The following MBTD1 variants were observed in gnomAD, a reference collection of about 807,000 sequenced individuals.
MBTD1 encodes MBT domain-containing protein 1.
Under a neutral mutation model 87.8 loss-of-function variants are expected in MBTD1, and 24 were observed. The observed-to-expected ratio is 0.27, with a 90% CI of 0.20 to 0.38. The LOEUF (loss-of-function observed/expected upper bound fraction) is 0.38, where lower values mean the gene tolerates loss of function less well. MBTD1 is among the 10% of genes least tolerant of loss of function. MBTD1 has a pLI of 1.00. For synonymous variants in MBTD1, 237 were observed against 248.6 expected, an observed-to-expected ratio of 0.95 and a Z score of 0.44; for missense variants, 436 against 760.2, an observed-to-expected ratio of 0.57 and a Z score of 5.02.
intron 12 of MBTD1, among the ~76,000 whole-genome samples, chr17:51,200,821 G>A (rs1481273648): frequency 6.6e-6 from 1 of 151,346 alleles, no homozygotes; most frequent in Non-Finnish European, 1.5e-5. Flanking sequence ...CTGAGATCAT[G>A]CCACTGCACT....
rs540392214 is a variant in MBTD1, at chr17:51,199,246, G to A, written c.1224+2346C>T. ...CCAAGAACTGGGATTACAGGTGCCT[G>A]GCCCCAGGCCCAGCTAATTTTTTTG... On this transcript the variant is annotated intron_variant, in intron 12 of 16. Transcript: ENST00000586178. Among the ~76,000 whole-genome samples, 5 of 151,006 alleles carry A rather than the reference G, an allele frequency of 3.3e-5. No homozygotes were observed. In the South Asian group the frequency reaches 1.0e-3, roughly 32 times the overall value.
intron 6 of MBTD1, among the ~76,000 whole-genome samples, chr17:51,214,041 GTGTGTGTA>G (rs1416264220): frequency 6.6e-6 from 1 of 151,992 alleles, no homozygotes; most frequent in African/African-American, 2.4e-5. Flanking sequence ...GTATATATGT[GTGTGTGTA>G]TGTGTGTATA....
intron 12 of MBTD1, among the ~76,000 whole-genome samples, chr17:51,196,146 A>G (rs1209036303): frequency 1.3e-5 from 2 of 151,868 alleles, no homozygotes; most frequent in African/African-American, 2.4e-5. Context: ...TCCTGGGCTC[A>G]AGTGATCCTT....
At position 51,185,184 on chromosome 17, in the gene MBTD1, C is replaced by T. The variant is rs566097785; in HGVS notation, c.1769-4490G>A. ...TAACAAGTCTCATCTAGGTTTTCAA[C>T]ATACAAGACATTTTAAAGAATGCTC... On this transcript the variant is annotated intron_variant, in intron 16 of 16. Coordinates refer to ENST00000586178, the MANE Select transcript of MBTD1 (RefSeq NM_017643.3). 14 of 152,298 alleles carry T rather than the reference C, an allele frequency of 9.2e-5. No individual in the cohort carries two copies. In the South Asian group the frequency reaches 1.0e-3, roughly 11 times the overall value. The allele number at this position is 152,298 out of a possible 1,614,324, so 9.4% of individuals were successfully genotyped here.
chr17:51,201,525 C>A, intron 12 of MBTD1, 67 bp downstream of exon 12: 1 of 918,038 alleles, frequency 1.1e-6, no homozygotes, highest in Non-Finnish European at 1.7e-6. Flanking sequence ...TGCTTGGGGA[C>A]TCCTTCTATT....
At chr17:51,257,325 A>G (rs1294093731) in intron 2 of MBTD1, among the ~76,000 whole-genome samples, 1 of 152,218 alleles carries the variant, frequency 6.6e-6, no homozygotes, top group Non-Finnish European at 1.5e-5. Flanking sequence ...ACAAAGAGCA[A>G]CCCAAAGAAT....
At chr17:51,180,749 T>G in intron 16 of MBTD1, 55 bp from the exon 17 acceptor site, 2 of 890,700 alleles carry the variant, frequency 2.2e-6, no homozygotes, top group East Asian at 2.6e-5. Context: ...AGTACTCGGA[T>G]TGCCTGTGAT....
At chr17:51,183,796 C>T (rs2050420660) in intron 16 of MBTD1, 1 of 152,108 alleles carries the variant, frequency 6.6e-6, no homozygotes, top group Admixed American at 6.6e-5. Flanking sequence ...TTAACAATAC[C>T]TAGAAAATAC....
At chr17:51,232,871 C>T (rs2053619536) in intron 2 of MBTD1, among the ~76,000 whole-genome samples, 1 of 151,130 alleles carries the variant, frequency 6.6e-6, no homozygotes, top group African/African-American at 2.4e-5. Context: ...GACACTGCCT[C>T]TACAAAAAAA....
intron 6 of MBTD1, among the ~76,000 whole-genome samples, chr17:51,211,032 G>C (rs903385469): frequency 6.6e-6 from 1 of 151,154 alleles, no homozygotes; most frequent in African/African-American, 2.4e-5. Flanking sequence ...AGCTAGTCAG[G>C]AGGCTGAGAC....
At chr17:51,220,611 A>G in intron 3 of MBTD1, 148 bp from the exon 4 acceptor site, 1 of 655,272 alleles carries the variant, frequency 1.5e-6, no homozygotes, top group Non-Finnish European at 2.5e-6. Flanking sequence ...ACAAATGATA[A>G]AGAAGCCTGC....
At chr17:51,251,462 G>C (rs1420660843) in intron 2 of MBTD1, 1 of 152,156 alleles carries the variant, frequency 6.6e-6, no homozygotes, top group Non-Finnish European at 1.5e-5. Context: ...CATACATAGA[G>C]CTGTGAACTA....
intron 2 of MBTD1, among the ~76,000 whole-genome samples, chr17:51,229,821 C>T (rs1054198929): frequency 6.6e-6 from 1 of 151,904 alleles, no homozygotes; most frequent in African/African-American, 2.4e-5. Context: ...CCACCACGCC[C>T]GGCTAATTTT....
intron 12 of MBTD1, among the ~76,000 whole-genome samples, chr17:51,199,313 C>T (rs939148187): frequency 1.4e-4 from 22 of 152,000 alleles, no homozygotes; most frequent in Non-Finnish European, 2.9e-4. Context: ...GTCTTGAACT[C>T]CTGACCTCAT....
At chr17:51,208,150 C>G (rs1268895233) in intron 6 of MBTD1, among the ~76,000 whole-genome samples, 1 of 152,194 alleles carries the variant, frequency 6.6e-6, no homozygotes, top group East Asian at 1.9e-4. Context: ...AAACAACATT[C>G]AACCCCTACC....
chr17:51,260,412 G>C, upstream of MBTD1: 1 of 699,556 alleles, frequency 1.4e-6, no homozygotes, highest in Non-Finnish European at 2.3e-6. Context: ...ACGGGGCGGG[G>C]CTGGGTAGGG....
intron 9 of MBTD1, 37 bp downstream of exon 9, chr17:51,203,103 T>C (rs1295550997): frequency 6.7e-7 from 1 of 1,500,992 alleles, no homozygotes; most frequent in African/African-American, 1.4e-5. Flanking sequence ...CCTTGTTTTT[T>C]AGAGCTCTTC....
intron 16 of MBTD1, among the ~76,000 whole-genome samples, chr17:51,191,096 G>C (rs1285716319): frequency 1.3e-5 from 2 of 151,862 alleles, no homozygotes; most frequent in Non-Finnish European, 2.9e-5. Flanking sequence ...TCTCAAAAAA[G>C]AATGAAACAT....
At chr17:51,186,635 A>G (rs8079807) in intron 16 of MBTD1, among the ~76,000 whole-genome samples, 74,204 of 151,814 alleles carry the variant, frequency 0.49, 18,446 homozygotes, top group African/African-American at 0.54. Context: ...ATAGCTGGGC[A>G]TGGTGGCAGG....
Sources: gnomAD v4.1 joint callset for allele counts (sites outside exome capture counted in the v4.1 genomes callset) on GRCh38, gnomAD v4.1.1 for gene constraint, MANE v1.5 for transcripts, NCBI Gene and HGNC (gene_info 2026-07-23, HGNC 2026-07-21) for gene names.